Variants in KCNU1 observed in about 807,000 individuals in gnomAD.
KCNU1 encodes the protein potassium channel subfamily U member 1.
A neutral mutation model predicts 126.8 loss-of-function variants in KCNU1; 93 were observed. The observed-to-expected ratio is 0.73, with a 90% CI of 0.62 to 0.87. The LOEUF (loss-of-function observed/expected upper bound fraction) is 0.87. Ranked by LOEUF, KCNU1 falls within the 40% of genes least tolerant of loss-of-function variation. The probability of loss-of-function intolerance (pLI) is 0.00; values close to 1 mark genes in which losing one functional copy is unlikely to be tolerated. For missense variants in KCNU1, 1,330 were observed against 1,367.1 expected, an observed-to-expected ratio of 0.97 and a Z score of 0.43; for synonymous variants, 523 against 494.2, an observed-to-expected ratio of 1.06 and a Z score of -0.77.
Position 36,808,806 on chromosome 8 carries a change from TC to T in KCNU1, c.732+14del. 1 of 1,585,102 alleles carries T rather than the reference TC, an allele frequency of 6.3e-7. No individual in the cohort carries two copies. Among genetic ancestry groups the T allele is most frequent in the Non-Finnish European group, 8.7e-7 (1 of 1,156,048 alleles). ...ATTCATTCACCTGGTAAGCATCTCATCACAATCCCTAGTGGTGTCTGTTGTT... is the reference window on the plus strand; with the variant it reads ...ATTCATTCACCTGGTAAGCATCTCATACAATCCCTAGTGGTGTCTGTTGTT... On this transcript the variant is annotated intron_variant, in intron 7 of 26. Coordinates refer to ENST00000399881, the MANE Select transcript of KCNU1 (RefSeq NM_001031836.3).
chr8:36,857,463 T>C (rs536126544), intron 18 of KCNU1, among the ~76,000 whole-genome samples: 1 of 152,284 alleles, frequency 6.6e-6, no homozygotes, highest in East Asian at 1.9e-4. Context: ...TGAGCACACC[T>C]GTCCAGAATG....
chr8:36,828,429 T>C (rs1804404443), intron 10 of KCNU1, among the ~76,000 whole-genome samples: 1 of 152,142 alleles, frequency 6.6e-6, no homozygotes. Flanking sequence ...CCATTCTTTC[T>C]TTCTCCTATG....
At chr8:36,869,710 T>C (rs1184994980) in intron 19 of KCNU1, among the ~76,000 whole-genome samples, 2 of 152,188 alleles carry the variant, frequency 1.3e-5, no homozygotes, top group East Asian at 1.9e-4. Context: ...TTGTGAGGAT[T>C]GGTTGAGACA....
rs2130578037 is a variant in KCNU1 at position 36,841,100 on chromosome 8, T to A, written c.1703+97T>A. 45 of 824,408 alleles carry A rather than the reference T, an allele frequency of 5.5e-5. 3 individuals are homozygous for A. In the South Asian group the frequency reaches 6.9e-4, roughly 13 times the overall value. 51.1% of individuals were successfully genotyped at this position (824,408 alleles called of 1,614,324 possible). ...TTAAGAATTTTTCCAAAGATGCAGC[T>A]ATAACTAAGCTTTTTCCCTTTGGTG... On this transcript the variant is annotated intron_variant, in intron 16 of 26. Transcript: ENST00000399881.
intron 9 of KCNU1, among the ~76,000 whole-genome samples, chr8:36,816,101 A>G (rs868418593): frequency 1.3e-5 from 2 of 151,746 alleles, no homozygotes; most frequent in Non-Finnish European, 2.9e-5. Context: ...CCAATTTAAA[A>G]TAATTTAGTT....
chr8:36,933,009 G>A lies in KCNU1; in HGVS notation c.3021G>A (p.Glu1007=). 2 of 1,561,202 alleles carry A rather than the reference G, an allele frequency of 1.3e-6. No individual in the cohort carries two copies. The highest frequency in any genetic ancestry group is 1.7e-6 in the Non-Finnish European group (2 of 1,150,352). ...CVGLYRIIDE[E]ELNPENKRFV... is the part of the protein sequence containing the mutation. ...GCTTATACCGAATAATTGATGAAGA[G>A]GAGCTCAACCCAGAAAACAAAAGGG... The change falls in exon 26 of 27, where the codon GAG becomes GAA. Residue 1007 remains glutamate, a synonymous_variant. Coordinates refer to ENST00000399881, the MANE Select transcript of KCNU1 (RefSeq NM_001031836.3).
At chr8:36,804,904 C>G (rs1006844774) in intron 3 of KCNU1, among the ~76,000 whole-genome samples, 5 of 152,176 alleles carry the variant, frequency 3.3e-5, no homozygotes, top group African/African-American at 1.2e-4. Context: ...GCCTCATCAT[C>G]TCTCTGGCTC....
chr8:36,829,083 G>T (rs563527937), intron 10 of KCNU1, among the ~76,000 whole-genome samples: 1 of 151,934 alleles, frequency 6.6e-6, no homozygotes. Context: ...ACTCATCCAT[G>T]TGTTTTGCCT....
At chr8:36,926,896 C>T (rs958942522) in intron 24 of KCNU1, among the ~76,000 whole-genome samples, 2 of 152,112 alleles carry the variant, frequency 1.3e-5, no homozygotes. Flanking sequence ...GACAGGCTCC[C>T]TGAATGTATC....
intron 19 of KCNU1, among the ~76,000 whole-genome samples, chr8:36,897,946 G>A (rs1043786809): frequency 6.6e-6 from 1 of 152,076 alleles, no homozygotes; most frequent in East Asian, 1.9e-4. Flanking sequence ...TATCTCCATT[G>A]CTTCTTGATA....
intron 19 of KCNU1, among the ~76,000 whole-genome samples, chr8:36,901,395 A>G (rs540679961): frequency 6.6e-6 from 1 of 152,150 alleles, no homozygotes; most frequent in Non-Finnish European, 1.5e-5. Flanking sequence ...GTTGCTAGGA[A>G]CATGGGAGAA....
At chr8:36,896,777 C>G (rs1427621541) in intron 19 of KCNU1, among the ~76,000 whole-genome samples, 1 of 151,886 alleles carries the variant, frequency 6.6e-6, no homozygotes, top group Non-Finnish European at 1.5e-5. Context: ...TTCAATGGAG[C>G]TTTTGATATG....
intron 21 of KCNU1, among the ~76,000 whole-genome samples, chr8:36,910,314 A>G (rs888950392): frequency 6.6e-6 from 1 of 152,344 alleles, no homozygotes; most frequent in Middle Eastern, 3.4e-3. Flanking sequence ...TTGCTTTTTT[A>G]AAAAGCCACT....
chr8:36,816,565 T>C (rs1454064369), intron 9 of KCNU1, among the ~76,000 whole-genome samples: 1 of 152,152 alleles, frequency 6.6e-6, no homozygotes, highest in Admixed American at 6.5e-5. Flanking sequence ...TGAATTTAAC[T>C]AGATAAGCCA....
At chr8:36,801,903 G>A (rs1415604268) in intron 2 of KCNU1, among the ~76,000 whole-genome samples, 1 of 151,942 alleles carries the variant, frequency 6.6e-6, no homozygotes, top group Non-Finnish European at 1.5e-5. Context: ...GAGGCCAGGA[G>A]TTTAGGACCA....
chr8:36,830,328 A>T (rs1163656642), intron 10 of KCNU1, among the ~76,000 whole-genome samples: 1 of 151,852 alleles, frequency 6.6e-6, no homozygotes, highest in Non-Finnish European at 1.5e-5. Flanking sequence ...TTCATTAAAG[A>T]TATCTTTTTT....
At chr8:36,880,796 GT>G (rs1374588240) in intron 19 of KCNU1, among the ~76,000 whole-genome samples, 1 of 152,144 alleles carries the variant, frequency 6.6e-6, no homozygotes, top group Non-Finnish European at 1.5e-5. Context: ...ACATTTGGAG[GT>G]AAATGTGTCA....
At position 36,865,954 on chromosome 8, in the gene KCNU1, G is replaced by A. The variant is rs142424476; in HGVS notation, c.2009+1433G>A. ...AGAAAAAGAAATACTGCACGATATC[G>A]CTTATATGTGGACTCTAAAATAGCC... On this transcript the variant is annotated intron_variant, in intron 19 of 26. Coordinates refer to ENST00000399881, the MANE Select transcript of KCNU1 (RefSeq NM_001031836.3). Among the ~76,000 whole-genome samples, 98 of 152,026 alleles carry A rather than the reference G, an allele frequency of 6.4e-4. 1 individual carries two copies. In the East Asian group the frequency reaches 0.015, roughly 23 times the overall value.
chr8:36,908,057 C>T (rs754927822), intron 20 of KCNU1, among the ~76,000 whole-genome samples: 1 of 151,968 alleles, frequency 6.6e-6, no homozygotes, highest in Non-Finnish European at 1.5e-5. Context: ...ATATAGCTAA[C>T]AATAGTACCA....
Sources: gnomAD v4.1 joint callset for allele counts (sites outside exome capture counted in the v4.1 genomes callset) on GRCh38, gnomAD v4.1.1 for gene constraint, MANE v1.5 for transcripts, NCBI Gene and HGNC (gene_info 2026-07-23, HGNC 2026-07-21) for gene names.